The following DOK7 variants were observed in gnomAD, a reference collection of about 807,000 sequenced individuals.
DOK7 encodes protein Dok-7.
Under a neutral mutation model 30.7 loss-of-function variants are expected in DOK7, and 32 were observed. That is an observed-to-expected ratio of 1.04 (90% CI 0.79 to 1.40). The LOEUF (loss-of-function observed/expected upper bound fraction) is 1.40. DOK7 is among the 40% of genes most tolerant of loss of function. DOK7 has a pLI of 0.00. For synonymous variants in DOK7, 447 were observed against 324.1 expected (o/e 1.38, Z -4.07); for missense variants, 1,007 against 699.2 (o/e 1.44, Z -4.97).
chr4:3,491,781 G>C (rs896118618), intron 6 of DOK7, among the ~76,000 whole-genome samples: 1 of 152,258 alleles, frequency 6.6e-6, no homozygotes, highest in African/African-American at 2.4e-5. Context: ...TCAGCTGCCG[G>C]TGGCTCTGGC....
intron 4 of DOK7, among the ~76,000 whole-genome samples, chr4:3,480,667 G>A (rs896771164): frequency 6.6e-6 from 1 of 152,222 alleles, no homozygotes; most frequent in African/African-American, 2.4e-5. Flanking sequence ...CATGAACGCG[G>A]CATCTGCCCA....
chr4:3,497,108 A>G (rs1333766321), downstream of DOK7, among the ~76,000 whole-genome samples: 1 of 151,954 alleles, frequency 6.6e-6, no homozygotes, highest in Non-Finnish European at 1.5e-5. Context: ...GGTGAGTCCC[A>G]GCCCAGGTGT....
At chr4:3,480,828 G>A (rs770323160) in intron 4 of DOK7, among the ~76,000 whole-genome samples, 2 of 152,082 alleles carry the variant, frequency 1.3e-5, no homozygotes, top group African/African-American at 4.8e-5. Flanking sequence ...GGGATCAGAC[G>A]GTCCGGCCTC....
At chr4:3,492,640 CTGGAAGGGG>C (rs936166535) in intron 6 of DOK7, 110 bp from the exon 7 acceptor site, 36 of 1,420,150 alleles carry the variant, frequency 2.5e-5, no homozygotes, top group Admixed American at 9.6e-5. Flanking sequence ...GGCTTGGGGG[CTGGAAGGGG>C]TGGGGCGAGA....
At chr4:3,480,244 A>AT (rs1727361059) in intron 4 of DOK7, among the ~76,000 whole-genome samples, 1 of 152,204 alleles carries the variant, frequency 6.6e-6, no homozygotes, top group Admixed American at 6.5e-5. Flanking sequence ...TCCAAGGACC[A>AT]TATCTGCCTC....
chr4:3,468,447 T>TCTGC (rs139750425), intron 2 of DOK7, among the ~76,000 whole-genome samples: 46,496 of 151,204 alleles, frequency 0.31, 7,535 homozygotes, highest in African/African-American at 0.42. Context: ...TGTACGAGTG[T>TCTGC]GTGCCTGTGT....
chr4:3,490,601 T>TCCCTGCTCATTCATTCCTTC (rs1560227473), intron 6 of DOK7, among the ~76,000 whole-genome samples: 1 of 27,532 alleles, frequency 3.6e-5, no homozygotes, highest in Non-Finnish European at 5.9e-5. Flanking sequence ...CTTCATTTCT[T>TCCCTGCTCATTCATTCCTTC]CTCTCCCTGC....
intron 2 of DOK7, among the ~76,000 whole-genome samples, chr4:3,466,368 TGA>T (rs1726264603): frequency 2.0e-5 from 3 of 152,056 alleles, no homozygotes; most frequent in Non-Finnish European, 4.4e-5. Flanking sequence ...AGGTGCCCCG[TGA>T]GCCCCGGAGC....
Position 3,464,362 on chromosome 4 carries a change from G to A in DOK7, c.100+811G>A, listed in dbSNP as rs563357563. ...CCTGCGTCCCCTCTGCAGGGCCTCA[G>A]GTGGTCCTGGAGGAAAGCACTTCCT... On this transcript the variant is annotated intron_variant, in intron 2 of 6. Coordinates refer to ENST00000340083, the MANE Select transcript of DOK7 (RefSeq NM_173660.5). 3.9e-5 allele frequency among the ~76,000 whole-genome samples: 6 copies of A among 152,294 alleles called. No individual in the cohort carries two copies. The East Asian group carries it at 7.7e-4, about 20-fold the overall frequency.
In DOK7 at chr4:3,463,349, C is replaced by A; in HGVS notation, c.-27C>A. 1 of 1,448,188 alleles carries A rather than the reference C, an allele frequency of 6.9e-7. No homozygotes were observed. The highest frequency in any genetic ancestry group is 9.0e-7 in the Non-Finnish European group (1 of 1,112,852). 89.7% of individuals were successfully genotyped at this position (1,448,188 alleles called of 1,614,324 possible). A position where few individuals can be genotyped will look rare whatever the true frequency, so the allele number is the denominator to read the frequency against. On this transcript the variant is annotated 5_prime_UTR_variant, in exon 1 of 7. Transcript: ENST00000340083. ...CCCTGGGCTGGGGCGCCGGGGCGAG[C>A]GCGGCGGCGCGGAACCATGACAGAA...
intron 6 of DOK7, among the ~76,000 whole-genome samples, chr4:3,491,724 A>G (rs914630883): frequency 3.3e-5 from 5 of 152,242 alleles, no homozygotes. Context: ...CCCAGACAAA[A>G]GGCTCTAAGG....
rs1728772026 is a variant in DOK7 at position 3,494,362 on chromosome 4, G to A, written c.*861G>A. 1.0e-6 allele frequency: 1 copy of A among 985,434 alleles called. No homozygotes were observed. Among genetic ancestry groups the A allele is most frequent in the African/African-American group, 1.7e-5 (1 of 57,246 alleles). The allele number at this position is 985,434 out of a possible 1,614,324, so 61.0% of individuals were successfully genotyped here. On this transcript the variant is annotated 3_prime_UTR_variant, in exon 7 of 7. Coordinates refer to ENST00000340083, the MANE Select transcript of DOK7 (RefSeq NM_173660.5). Reference sequence around the variant, plus strand: ...GGGTGGCTTCCTCTTGCACAGCCTGGAGCCTGCCCTGACCACAGCCCAGCA... The same window carrying A: ...GGGTGGCTTCCTCTTGCACAGCCTGAAGCCTGCCCTGACCACAGCCCAGCA...
At chr4:3,485,373 C>T (rs1027930913) in intron 4 of DOK7, 166 bp from the exon 5 acceptor site, 30 of 942,788 alleles carry the variant, frequency 3.2e-5, no homozygotes, top group East Asian at 1.9e-4. Flanking sequence ...CCCGGATTCA[C>T]GGGGCCAGGC....
chr4:3,498,822 G>A (rs1180485462), downstream of DOK7, among the ~76,000 whole-genome samples: 1 of 152,256 alleles, frequency 6.6e-6, no homozygotes, highest in Non-Finnish European at 1.5e-5. Context: ...TGCAGGAGGG[G>A]GGTCTCCCCA....
At position 3,467,208 on chromosome 4, in the gene DOK7, G is replaced by A. The variant is rs1460873933; in HGVS notation, c.100+3657G>A. On this transcript the variant is annotated intron_variant, in intron 2 of 6. Coordinates refer to ENST00000340083, the MANE Select transcript of DOK7 (RefSeq NM_173660.5). Reference sequence around the variant, plus strand: ...GGGGACCCCCCCCACTGCGTCCCCGGCCCACACATGCCCCTGCCTTCCCTG... The same window carrying A: ...GGGGACCCCCCCCACTGCGTCCCCGACCCACACATGCCCCTGCCTTCCCTG... Among the ~76,000 whole-genome samples, 5 of 114,228 alleles carry A rather than the reference G, an allele frequency of 4.4e-5. 1 individual carries two copies. The Admixed American group carries it at 4.6e-4, about 10-fold the overall frequency. The allele number at this position is 114,228 out of a possible 152,430, so 74.9% of individuals were successfully genotyped here.
chr4:3,485,583 A>G lies in DOK7; in HGVS notation c.577A>G (p.Ser193Gly), dbSNP rs139133047. Residue 193 changes from serine (S) to glycine (G), a missense_variant, in exon 5 of 7, where the codon AGC becomes GGC. Coordinates refer to ENST00000340083, the MANE Select transcript of DOK7 (RefSeq NM_173660.5). ...GTCCTCGGCCGAGGGGGAGCAGATC[A>G]GCTTCCTGTTCGACTGCATCGTCCG... ...FLSSAEGEQI[S>G]FLFDCIVRGI... 3.3e-4 allele frequency: 534 copies of G among 1,607,594 alleles called. 1 individual carries two copies. The highest frequency in any genetic ancestry group is 4.1e-4 in the Non-Finnish European group (483 of 1,176,776).
At chr4:3,489,587 A>T in intron 5 of DOK7, 90 bp from the exon 6 acceptor site, 1 of 1,544,646 alleles carries the variant, frequency 6.5e-7, no homozygotes, top group Non-Finnish European at 8.7e-7. Context: ...ACAGAGGGGG[A>T]TAACCACTGA....
At chr4:3,468,992 ATG>A (rs550869612) in intron 2 of DOK7, among the ~76,000 whole-genome samples, 64 of 125,202 alleles carry the variant, frequency 5.1e-4, no homozygotes, top group African/African-American at 8.7e-4. Flanking sequence ...CTGTGTATGC[ATG>A]TGTGAGTGTG....
chr4:3,473,165 G>A (rs1726860323), intron 2 of DOK7, among the ~76,000 whole-genome samples: 1 of 152,252 alleles, frequency 6.6e-6, no homozygotes, highest in Non-Finnish European at 1.5e-5. Flanking sequence ...GCCAGCGTCG[G>A]GGGCTGGGCA....
Sources: allele counts gnomAD v4.1 joint callset (sites outside exome capture counted in the v4.1 genomes callset), GRCh38; gene constraint gnomAD v4.1.1; transcripts MANE v1.5; gene names NCBI Gene and HGNC (gene_info 2026-07-23, HGNC 2026-07-21).